GRM8: variants seen among roughly 807,000 people sequenced by gnomAD.
GRM8 encodes the protein metabotropic glutamate receptor 8.
In GRM8, 47 loss-of-function variants were observed where a neutral mutation model predicts 87.2. That is an observed-to-expected ratio of 0.54 (90% confidence interval 0.43 to 0.69). GRM8 has a LOEUF of 0.69. GRM8 is among the 30% of genes least tolerant of loss of function. The pLI is 0.00. For synonymous variants in GRM8, 396 were observed against 404.5 expected (o/e 0.98, Z 0.25); for missense variants, 1,019 against 1,139.2 (o/e 0.89, Z 1.52).
Position 126,646,305 on chromosome 7 carries a change from A to AGG in GRM8, c.1358-36808_1358-36807insCC, listed in dbSNP as rs71177567. Among the ~76,000 whole-genome samples the AGG allele has an allele frequency of 1.3e-3, 189 of 150,904 alleles. 1 individual carries two copies. The highest frequency in any genetic ancestry group is 3.5e-3 in the African/African-American group (143 of 41,042). The stretch of plus-strand genomic sequence containing the variant: ...AAGGAAGGAAGGAAGGAAGGAAGGA[A>AGG]AGAAGGAAGGAAGGAAGAAAGGAAG... On this transcript the variant is annotated intron_variant, in intron 7 of 10. Transcript: ENST00000339582.
At chr7:127,220,768 T>G (rs920680804) in intron 2 of GRM8, among the ~76,000 whole-genome samples, 24 of 152,298 alleles carry the variant, frequency 1.6e-4, no homozygotes, top group African/African-American at 5.5e-4. Flanking sequence ...GGATTACAGG[T>G]GTCAGCCACT....
At chr7:126,895,728 A>G (rs1037979430) in intron 6 of GRM8, among the ~76,000 whole-genome samples, 21 of 152,040 alleles carry the variant, frequency 1.4e-4, no homozygotes, top group Non-Finnish European at 1.2e-4. Context: ...ACTCTTATAC[A>G]AGGCAAGGGG....
chr7:126,494,927 T>C (rs1808515991), intron 9 of GRM8, among the ~76,000 whole-genome samples: 1 of 152,080 alleles, frequency 6.6e-6, no homozygotes, highest in African/African-American at 2.4e-5. Context: ...CTCGTGAATA[T>C]GTTCAATTAA....
At chr7:126,491,536 G>A (rs1050252926) in intron 9 of GRM8, among the ~76,000 whole-genome samples, 1 of 151,992 alleles carries the variant, frequency 6.6e-6, no homozygotes, top group African/African-American at 2.4e-5. Flanking sequence ...TAAATGTACA[G>A]AACTTAACAA....
chr7:127,123,333 C>T (rs923715841), intron 2 of GRM8, among the ~76,000 whole-genome samples: 3 of 152,094 alleles, frequency 2.0e-5, no homozygotes, highest in Non-Finnish European at 2.9e-5. Flanking sequence ...GCATAATGGG[C>T]GGTGTTTGGG....
chr7:126,872,665 T>C (rs1191155111), intron 6 of GRM8, among the ~76,000 whole-genome samples: 3 of 152,156 alleles, frequency 2.0e-5, no homozygotes, highest in Non-Finnish European at 4.4e-5. Flanking sequence ...GTCAGAACTA[T>C]GCTAGAATAT....
At position 126,707,753 on chromosome 7, in the gene GRM8, G is replaced by A. The variant is rs75335808; in HGVS notation, c.1357+62112C>T. Among the ~76,000 whole-genome samples the A allele has an allele frequency of 3.5e-4, 54 of 152,156 alleles. 1 individual carries two copies. The East Asian group carries it at 0.01, about 29-fold the overall frequency. On this transcript the variant is annotated intron_variant, in intron 7 of 10. Transcript: ENST00000339582. ...CATACACAAAAATCAACTCAAAATGGATTGAAGATCTAAATGTAAGACTTG... is the reference window on the plus strand; with the variant it reads ...CATACACAAAAATCAACTCAAAATGAATTGAAGATCTAAATGTAAGACTTG...
At chr7:126,446,405 G>A (rs750003859) in intron 9 of GRM8, 33 bp from the exon 10 acceptor site, 1 of 1,465,224 alleles carries the variant, frequency 6.8e-7, no homozygotes, top group Non-Finnish European at 9.4e-7. Context: ...ATCACTGTTG[G>A]TAAGCCTAAC....
intron 2 of GRM8, among the ~76,000 whole-genome samples, chr7:127,153,032 T>C (rs1055146142): frequency 6.6e-6 from 1 of 152,118 alleles, no homozygotes; most frequent in Non-Finnish European, 1.5e-5. Flanking sequence ...AACGTGAATA[T>C]CAGGGTACAT....
Position 126,477,621 on chromosome 7 carries a change from A to G in GRM8, c.2431-31249T>C, listed in dbSNP as rs1806139972. Among the ~76,000 whole-genome samples the G allele has an allele frequency of 2.0e-5, 3 of 151,110 alleles. No individual in the cohort carries two copies. In the South Asian group the frequency reaches 6.3e-4, roughly 32 times the overall value. On this transcript the variant is annotated intron_variant, in intron 9 of 10. Transcript: ENST00000339582. Reference sequence around the variant, plus strand: ...AAAGAAAGAAAGAAAGAAAGAAAGAAAGAAAGAAAGAAAGAAAAAACGAAA... The same window carrying G: ...AAAGAAAGAAAGAAAGAAAGAAAGAGAGAAAGAAAGAAAGAAAAAACGAAA...
At chr7:126,728,980 A>G (rs1447621817) in intron 7 of GRM8, among the ~76,000 whole-genome samples, 4 of 152,112 alleles carry the variant, frequency 2.6e-5, no homozygotes, top group Non-Finnish European at 5.9e-5. Context: ...ACCTTTTCAG[A>G]AAGGCTTTTT....
chr7:126,817,577 C>T (rs1030078674), intron 6 of GRM8, among the ~76,000 whole-genome samples: 1 of 152,076 alleles, frequency 6.6e-6, no homozygotes, highest in African/African-American at 2.4e-5. Flanking sequence ...TGTACAGTTA[C>T]CAGTAAATTT....
intron 3 of GRM8, among the ~76,000 whole-genome samples, chr7:126,978,262 A>G (rs187857022): frequency 7.9e-5 from 12 of 152,228 alleles, no homozygotes; most frequent in African/African-American, 2.9e-4. Context: ...ATCTGTATAA[A>G]AGGAAGCAAA....
At chr7:126,649,946 G>A (rs1044166653) in intron 7 of GRM8, among the ~76,000 whole-genome samples, 7 of 152,206 alleles carry the variant, frequency 4.6e-5, no homozygotes, top group Non-Finnish European at 1.0e-4. Context: ...GGCTCCCACA[G>A]GTGAATCACA....
At chr7:126,823,654 C>A (rs1794502198) in intron 6 of GRM8, among the ~76,000 whole-genome samples, 1 of 152,158 alleles carries the variant, frequency 6.6e-6, no homozygotes, top group Non-Finnish European at 1.5e-5. Context: ...AAAATGTTAT[C>A]AATATTAAAA....
intron 3 of GRM8, among the ~76,000 whole-genome samples, chr7:126,952,947 T>C (rs1484683337): frequency 2.6e-5 from 4 of 152,070 alleles, no homozygotes; most frequent in African/African-American, 9.7e-5. Flanking sequence ...AATAAGATTT[T>C]TGTTTAATTA....
chr7:127,008,109 TAC>T (rs1201786686), intron 3 of GRM8, among the ~76,000 whole-genome samples: 1 of 151,888 alleles, frequency 6.6e-6, no homozygotes, highest in Non-Finnish European at 1.5e-5. Context: ...ACTTAAGAGG[TAC>T]AGTCTCTACC....
At chr7:126,444,954 T>G (rs762439765) in intron 10 of GRM8, among the ~76,000 whole-genome samples, 1 of 151,856 alleles carries the variant, frequency 6.6e-6, no homozygotes, top group Non-Finnish European at 1.5e-5. Context: ...GAGACCAGCC[T>G]GGGCAACAGA....
intron 7 of GRM8, among the ~76,000 whole-genome samples, chr7:126,747,444 G>C (rs1373736564): frequency 6.6e-6 from 1 of 151,884 alleles, no homozygotes; most frequent in Non-Finnish European, 1.5e-5. Flanking sequence ...AAATTCCCTG[G>C]TTTGGATAAA....
Sources: allele counts gnomAD v4.1 joint callset (sites outside exome capture counted in the v4.1 genomes callset), GRCh38; gene constraint gnomAD v4.1.1; transcripts MANE v1.5; gene names NCBI Gene and HGNC (gene_info 2026-07-23, HGNC 2026-07-21).